ACOT7: variants seen among roughly 807,000 people sequenced by gnomAD.
ACOT7 encodes the protein acyl-CoA thioesterase 7, also known as cytosolic acyl coenzyme A thioester hydrolase.
In ACOT7, 12 loss-of-function variants were observed where a neutral mutation model predicts 40.2. The observed-to-expected ratio is 0.30, with a 90% CI of 0.19 to 0.48. ACOT7 has a LOEUF of 0.48. Among genes scored for constraint, ACOT7 ranks in the 20% least tolerant of loss-of-function variants. The probability of loss-of-function intolerance (pLI) is 0.99; values close to 1 mark genes in which losing one functional copy is unlikely to be tolerated. For synonymous variants in ACOT7, 228 were observed against 219.5 expected (o/e 1.04, Z -0.34); for missense variants, 395 against 530.8 (o/e 0.74, Z 2.51).
At chr1:6,290,075 G>C (rs1639621244) in intron 7 of ACOT7, among the ~76,000 whole-genome samples, 1 of 152,198 alleles carries the variant, frequency 6.6e-6, no homozygotes, top group Non-Finnish European at 1.5e-5. Flanking sequence ...GGAGGCAGGA[G>C]TGTCAGCACG....
intron 1 of ACOT7, among the ~76,000 whole-genome samples, chr1:6,388,778 C>T (rs1175567194): frequency 6.7e-6 from 1 of 148,604 alleles, no homozygotes; most frequent in African/African-American, 2.5e-5. Flanking sequence ...GTGGCTCACG[C>T]CCGTAATCCC....
At chr1:6,316,866 C>G (rs1640510738) in intron 6 of ACOT7, among the ~76,000 whole-genome samples, 1 of 152,126 alleles carries the variant, frequency 6.6e-6, no homozygotes, top group South Asian at 2.1e-4. Context: ...GCCTCTCACT[C>G]ATGGAGTAAG....
chr1:6,274,945 T>C lies in ACOT7; in HGVS notation c.1014+6157A>G, dbSNP rs754240116. 1.6e-4 allele frequency among the ~76,000 whole-genome samples: 24 copies of C among 152,176 alleles called. No individual in the cohort carries two copies. The highest frequency in any genetic ancestry group is 2.5e-4 in the Non-Finnish European group (17 of 68,024). On this transcript the variant is annotated intron_variant, in intron 8 of 8. Transcript: ENST00000361521. The surrounding 1 kb of genome is among the most constrained non-coding windows in gnomAD (Gnocchi z 5.9). ...AGGGCCTGGCTGGGAGAAAGCACAG[T>C]GGCATCGATGACAGCAGTGAGCGGC...
rs752695659 is a variant in ACOT7 at position 6,330,709 on chromosome 1, G to A, written c.510+2768C>T. ...CCCTGTCCCTGCAGCGAGGGGATGG[G>A]AGCCAGGGGAGTCAGAAGCTACCCG... On this transcript the variant is annotated intron_variant, in intron 4 of 8. Coordinates refer to ENST00000361521, the MANE Select transcript of ACOT7 (RefSeq NM_007274.4). The surrounding 1 kb of genome is among the most constrained non-coding windows in gnomAD (Gnocchi z 4.6). Among the ~76,000 whole-genome samples the A allele has an allele frequency of 4.7e-4, 71 of 152,250 alleles. No individual in the cohort carries two copies. The highest frequency in any genetic ancestry group is 7.8e-4 in the Admixed American group (12 of 15,300).
At chr1:6,309,263 G>A (rs1407531276) in intron 6 of ACOT7, among the ~76,000 whole-genome samples, 1 of 152,220 alleles carries the variant, frequency 6.6e-6, no homozygotes, top group East Asian at 1.9e-4. Flanking sequence ...GGACGGGACA[G>A]CGGAACAAGC....
intron 1 of ACOT7, among the ~76,000 whole-genome samples, chr1:6,362,981 T>C (rs1641923123): frequency 6.6e-6 from 1 of 152,162 alleles, no homozygotes; most frequent in Non-Finnish European, 1.5e-5. Context: ...CATGAGCTTT[T>C]CCAGTATAAT....
At chr1:6,308,948 T>C (rs887805381) in intron 6 of ACOT7, among the ~76,000 whole-genome samples, 4 of 152,248 alleles carry the variant, frequency 2.6e-5, no homozygotes, top group Non-Finnish European at 2.9e-5. Flanking sequence ...ATTTGTAGAC[T>C]GAAGATAGCA....
intron 1 of ACOT7, among the ~76,000 whole-genome samples, chr1:6,371,838 A>T (rs1438886997): frequency 6.6e-6 from 1 of 151,798 alleles, no homozygotes; most frequent in Non-Finnish European, 1.5e-5. Context: ...TGAGGTCAGG[A>T]GTTCGAGACC....
chr1:6,313,210 C>G (rs183963743), intron 6 of ACOT7, among the ~76,000 whole-genome samples: 285 of 152,308 alleles, frequency 1.9e-3, no homozygotes, highest in Middle Eastern at 3.4e-3. Flanking sequence ...AAACTGCAAA[C>G]TACGTGATTT....
In ACOT7 at chr1:6,385,462, C is replaced by A. The variant is rs758585806; in HGVS notation, c.143+7795G>T. 3.8e-6 allele frequency: 6 copies of A among 1,593,426 alleles called. No individual in the cohort carries two copies. In the African/African-American group the frequency reaches 4.0e-5, roughly 11 times the overall value. On this transcript the variant is annotated intron_variant, in intron 1 of 8. Transcript: ENST00000361521. The stretch of plus-strand genomic sequence containing the variant: ...CCCAGTCGGCGTCGCAAGTGAGACA[C>A]CATGGGCACAAAATATTCCCAGTCA...
At chr1:6,313,792 C>A (rs1314588844) in intron 6 of ACOT7, among the ~76,000 whole-genome samples, 1 of 151,454 alleles carries the variant, frequency 6.6e-6, no homozygotes, top group Non-Finnish European at 1.5e-5. Context: ...GTGGATCGCT[C>A]ACAGCTGCAT....
At position 6,270,614 on chromosome 1, in the gene ACOT7, C is replaced by A. The variant is rs181208249; in HGVS notation, c.1015-5919G>T. The stretch of plus-strand genomic sequence containing the variant: ...GAGCAGGACTCTGAGTCCCACGGGC[C>A]CAGCTGTGTGGCCCAGGGCCAGGTT... On this transcript the variant is annotated intron_variant, in intron 8 of 8. Coordinates refer to ENST00000361521, the MANE Select transcript of ACOT7 (RefSeq NM_007274.4). Among the ~76,000 whole-genome samples the A allele has an allele frequency of 2.6e-5, 4 of 152,286 alleles. No homozygotes were observed. In the East Asian group the frequency reaches 7.7e-4, roughly 29 times the overall value.
chr1:6,287,626 G>A (rs997015101), intron 7 of ACOT7, among the ~76,000 whole-genome samples: 23 of 152,270 alleles, frequency 1.5e-4, no homozygotes, highest in Non-Finnish European at 5.9e-5. Context: ...GGCACAGCCC[G>A]TGAGCGCTGG....
intron 5 of ACOT7, among the ~76,000 whole-genome samples, chr1:6,322,997 G>A (rs1381832569): frequency 6.6e-6 from 1 of 152,078 alleles, no homozygotes; most frequent in African/African-American, 2.4e-5. Flanking sequence ...AGGCATGGTG[G>A]CGGGTGCCTG....
At chr1:6,354,493 G>C (rs931860417) in intron 1 of ACOT7, among the ~76,000 whole-genome samples, 1 of 152,254 alleles carries the variant, frequency 6.6e-6, no homozygotes, top group Non-Finnish European at 1.5e-5. Flanking sequence ...CTGTCATGCA[G>C]GGCCTCAGGG....
rs938893905 is a variant in ACOT7 at position 6,274,009 on chromosome 1, G to A, written c.1014+7093C>T. The stretch of plus-strand genomic sequence containing the variant: ...CTCTCTTCTTGTCCTGGTCCGGCCT[G>A]GACACGGTCAGGAATGGCCACCTCT... On this transcript the variant is annotated intron_variant, in intron 8 of 8. Transcript: ENST00000361521. The surrounding 1 kb of genome is among the most constrained non-coding windows in gnomAD (Gnocchi z 5.9). Among the ~76,000 whole-genome samples the A allele has an allele frequency of 3.3e-5, 5 of 152,168 alleles. No homozygotes were observed. The highest frequency in any genetic ancestry group is 5.9e-5 in the Non-Finnish European group (4 of 68,022).
chr1:6,265,770 A>G (rs1201668870), intron 8 of ACOT7, among the ~76,000 whole-genome samples: 1 of 152,206 alleles, frequency 6.6e-6, no homozygotes, highest in African/African-American at 2.4e-5. Flanking sequence ...ATTTCATCGC[A>G]ACATTTTGAG....
At chr1:6,318,469 TG>T in intron 6 of ACOT7, 22 bp downstream of exon 6, 1 of 1,609,710 alleles carries the variant, frequency 6.2e-7, no homozygotes, top group Non-Finnish European at 8.5e-7. Flanking sequence ...AGGAATGGAG[TG>T]GCCAGGGCGC....
At chr1:6,298,786 C>A (rs561133919) in intron 6 of ACOT7, among the ~76,000 whole-genome samples, 1 of 152,248 alleles carries the variant, frequency 6.6e-6, no homozygotes, top group South Asian at 2.1e-4. Flanking sequence ...CCAGCAAGCC[C>A]AGCCCTCACA....
Sources: gnomAD v4.1 joint callset for allele counts (sites outside exome capture counted in the v4.1 genomes callset) on GRCh38, gnomAD v4.1.1 for gene constraint, Gnocchi (gnomAD v3.1) non-coding constraint, MANE v1.5 for transcripts, NCBI Gene and HGNC (gene_info 2026-07-23, HGNC 2026-07-21) for gene names.